NCAM2: variants seen among roughly 807,000 people sequenced by gnomAD.
The protein encoded by NCAM2 is neural cell adhesion molecule 2, also known as N-CAM-2.
NCAM2 carries 30 observed loss-of-function variants against 98.1 expected under a neutral mutation model. The ratio of observed to expected loss-of-function variants is 0.31; its 90% CI spans 0.23 to 0.41. NCAM2 has a LOEUF of 0.41. Among genes scored for constraint, NCAM2 ranks in the 10% least tolerant of loss-of-function variants. NCAM2 has a pLI of 1.00. For synonymous variants in NCAM2, 368 were observed against 342.4 expected (o/e 1.07, Z -0.83); for missense variants, 867 against 1,005.8 (o/e 0.86, Z 1.87).
chr21:21,279,647 T>C (rs1039652909), intron 1 of NCAM2, among the ~76,000 whole-genome samples: 1 of 152,052 alleles, frequency 6.6e-6, no homozygotes, highest in African/African-American at 2.4e-5. Flanking sequence ...GTGGTCGTTA[T>C]CTGGTGTTCT....
intron 16 of NCAM2, among the ~76,000 whole-genome samples, chr21:21,528,692 A>T (rs1264298440): frequency 6.6e-6 from 1 of 152,162 alleles, no homozygotes; most frequent in Non-Finnish European, 1.5e-5. Flanking sequence ...AACATTAATA[A>T]ACAAGGTTTA....
At chr21:21,140,660 A>C (rs997172603) in intron 1 of NCAM2, among the ~76,000 whole-genome samples, 1 of 152,194 alleles carries the variant, frequency 6.6e-6, no homozygotes, top group Non-Finnish European at 1.5e-5. Context: ...TTTATTCAGA[A>C]GTGCTCATGA....
chr21:21,385,545 AAACTT>A (rs1190565924), intron 9 of NCAM2: 13 of 806,676 alleles, frequency 1.6e-5, no homozygotes, highest in Admixed American at 2.4e-5. Context: ...TAATAGCACT[AAACTT>A]AAGGTGTTAG....
At chr21:21,120,081 C>A (rs993112004) in intron 1 of NCAM2, among the ~76,000 whole-genome samples, 5 of 152,160 alleles carry the variant, frequency 3.3e-5, no homozygotes, top group Non-Finnish European at 5.9e-5. Flanking sequence ...CTTTAATCTG[C>A]TGCTTATTTC....
intron 1 of NCAM2, among the ~76,000 whole-genome samples, chr21:21,138,779 G>C (rs553815337): frequency 6.6e-6 from 1 of 151,956 alleles, no homozygotes; most frequent in African/African-American, 2.4e-5. Flanking sequence ...TACCAAAATA[G>C]ATATATATAT....
intron 16 of NCAM2, among the ~76,000 whole-genome samples, chr21:21,510,966 T>C (rs233784): frequency 0.12 from 18,169 of 151,970 alleles, 1,221 homozygotes; most frequent in South Asian, 0.21. Flanking sequence ...CATAGCACCA[T>C]AGATTACTTT....
Position 21,178,821 on chromosome 21 carries a change from A to G in NCAM2, c.56-101757A>G, listed in dbSNP as rs374365808. ...TTTCTAAAAAATGATTACTATCACT[A>G]CCTATGAAATGGTTCTCTTATGCTT... On this transcript the variant is annotated intron_variant, in intron 1 of 17. Coordinates refer to ENST00000400546, the MANE Select transcript of NCAM2 (RefSeq NM_004540.5). Among the ~76,000 whole-genome samples the G allele has an allele frequency of 3.3e-5, 5 of 152,186 alleles. No homozygotes were observed. In the East Asian group the frequency reaches 5.8e-4, roughly 18 times the overall value.
chr21:21,261,948 G>C (rs1360372545), intron 1 of NCAM2, among the ~76,000 whole-genome samples: 1 of 151,958 alleles, frequency 6.6e-6, no homozygotes, highest in Admixed American at 6.6e-5. Flanking sequence ...TTAAACAAAG[G>C]TGATAGATGG....
chr21:21,268,855 C>T (rs753293627), intron 1 of NCAM2, among the ~76,000 whole-genome samples: 8 of 152,066 alleles, frequency 5.3e-5, no homozygotes, highest in Non-Finnish European at 7.4e-5. Flanking sequence ...TTTTGGAGAT[C>T]GAAAGTTGAT....
intron 1 of NCAM2, among the ~76,000 whole-genome samples, chr21:21,239,092 C>G (rs1175331974): frequency 2.0e-5 from 3 of 152,230 alleles, no homozygotes; most frequent in Middle Eastern, 3.4e-3. Context: ...ACACAGAGCT[C>G]CCTCATCTCC....
At chr21:21,488,951 TTTAA>T (rs1205460484) in intron 15 of NCAM2, among the ~76,000 whole-genome samples, 2 of 151,942 alleles carry the variant, frequency 1.3e-5, no homozygotes, top group Non-Finnish European at 2.9e-5. Flanking sequence ...ATAAGTCCAA[TTTAA>T]TTATGTTTTC....
intron 1 of NCAM2, among the ~76,000 whole-genome samples, chr21:21,172,070 A>G (rs1048609882): frequency 6.6e-6 from 1 of 151,968 alleles, no homozygotes; most frequent in Non-Finnish European, 1.5e-5. Flanking sequence ...CCACATTTTG[A>G]CTTTTTTCCT....
intron 12 of NCAM2, among the ~76,000 whole-genome samples, chr21:21,434,479 T>C (rs976968900): frequency 1.3e-5 from 2 of 152,190 alleles, no homozygotes; most frequent in Non-Finnish European, 1.5e-5. Context: ...TCATCTTCCA[T>C]AGGTATGTTA....
chr21:21,424,271 C>T (rs914819571), intron 11 of NCAM2, among the ~76,000 whole-genome samples: 8 of 152,162 alleles, frequency 5.3e-5, no homozygotes, highest in Admixed American at 2.0e-4. Context: ...TGCATCAATT[C>T]CTAATCACTT....
chr21:21,105,811 A>T (rs2066332619), intron 1 of NCAM2, among the ~76,000 whole-genome samples: 1 of 152,100 alleles, frequency 6.6e-6, no homozygotes, highest in African/African-American at 2.4e-5. Flanking sequence ...ATTTCACGGA[A>T]TTTTTCCCAA....
At chr21:21,435,405 T>C (rs1336606853) in intron 12 of NCAM2, among the ~76,000 whole-genome samples, 17 of 152,208 alleles carry the variant, frequency 1.1e-4, no homozygotes, top group Admixed American at 1.0e-3. Context: ...GGACTTACCT[T>C]CACTTACTGG....
intron 8 of NCAM2, among the ~76,000 whole-genome samples, chr21:21,364,611 C>CAT (rs1227453428): frequency 1.3e-5 from 2 of 151,660 alleles, no homozygotes; most frequent in African/African-American, 4.8e-5. Flanking sequence ...CATATATACA[C>CAT]ATGTATATAC....
At chr21:21,221,355 TC>T (rs1870718254) in intron 1 of NCAM2, among the ~76,000 whole-genome samples, 2 of 270 alleles carry the variant, frequency 7.4e-3, no homozygotes, top group South Asian at 0.17. Context: ...CAGAAGTGAT[TC>T]TCACCCAAAT....
Position 21,410,335 on chromosome 21 carries a change from T to C in NCAM2, c.1257T>C (p.Asn419=). Residue 419 remains asparagine (N), a synonymous_variant, in exon 10 of 18, where the codon AAT becomes AAC. Coordinates refer to ENST00000400546, the MANE Select transcript of NCAM2 (RefSeq NM_004540.5). ...IYYSWEGNPI[N]ISCDVKSNPP... The stretch of plus-strand genomic sequence containing the variant: ...ACTCTTGGGAAGGAAATCCTATCAA[T>C]ATAAGTTGTGATGTGAAATCGAATC... 2 of 1,602,752 alleles carry C rather than the reference T, an allele frequency of 1.2e-6. No homozygotes were observed. The highest frequency in any genetic ancestry group is 2.7e-5 in the African/African-American group (2 of 74,660).
Sources: allele counts gnomAD v4.1 joint callset (sites outside exome capture counted in the v4.1 genomes callset), GRCh38; gene constraint gnomAD v4.1.1; transcripts MANE v1.5; gene names NCBI Gene and HGNC (gene_info 2026-07-23, HGNC 2026-07-21).